Variants in PCNX2 observed in about 807,000 individuals in gnomAD.
PCNX2 encodes pecanex-like protein 2.
PCNX2 carries 168 observed loss-of-function variants against 223.8 expected under a neutral mutation model. The observed-to-expected ratio is 0.75, with a 90% CI of 0.66 to 0.85. The LOEUF (loss-of-function observed/expected upper bound fraction) is 0.85, where lower values mean the gene tolerates loss of function less well. PCNX2 is among the 40% of genes least tolerant of loss of function. The pLI, the probability that PCNX2 is intolerant of heterozygous loss-of-function variation, is 0.00. For synonymous variants in PCNX2, 1,006 were observed against 1,052.6 expected, an observed-to-expected ratio of 0.96 and a Z score of 0.86; for missense variants, 2,507 against 2,675.5, an observed-to-expected ratio of 0.94 and a Z score of 1.39.
chr1:233,038,741 T>G (rs1671542902), intron 25 of PCNX2, among the ~76,000 whole-genome samples: 1 of 152,234 alleles, frequency 6.6e-6, no homozygotes, highest in Admixed American at 6.5e-5. Context: ...GTGGGAAAGC[T>G]ATTGCTCTGC....
intron 6 of PCNX2, 56 bp from the exon 7 acceptor site, chr1:233,252,555 A>G (rs893761931): frequency 1.3e-6 from 2 of 1,586,350 alleles, no homozygotes; most frequent in African/African-American, 1.4e-5. Context: ...CTTATCCTTG[A>G]TAAAGCATTA....
At chr1:233,284,275 C>G (rs1661336598) in intron 1 of PCNX2, among the ~76,000 whole-genome samples, 1 of 152,068 alleles carries the variant, frequency 6.6e-6, no homozygotes, top group African/African-American at 2.4e-5. Context: ...TAAGAGACAC[C>G]TGTTGAAGTT....
Position 233,213,931 on chromosome 1 carries a change from C to T in PCNX2, c.2691+3968G>A, listed in dbSNP as rs148046736. 2.8e-3 allele frequency among the ~76,000 whole-genome samples: 413 copies of T among 146,386 alleles called. 3 individuals carry two copies. Among genetic ancestry groups the T allele is most frequent in the Middle Eastern group, 7.2e-3 (2 of 276 alleles). ...GCAACCTTTGCCACCCGGGTTCAAG[C>T]GATTCTCCTGCCTCAGCCTCCCGAG... On this transcript the variant is annotated intron_variant, in intron 12 of 33. Coordinates refer to ENST00000258229, the MANE Select transcript of PCNX2 (RefSeq NM_014801.4).
In PCNX2 at chr1:233,159,579, CTG is replaced by C. The variant is rs544045597; in HGVS notation, c.3517+702_3517+703del. Among the ~76,000 whole-genome samples the C allele has an allele frequency of 4.6e-5, 7 of 152,306 alleles. No individual in the cohort carries two copies. The South Asian group carries it at 1.4e-3, about 32-fold the overall frequency. On this transcript the variant is annotated intron_variant, in intron 19 of 33. Coordinates refer to ENST00000258229, the MANE Select transcript of PCNX2 (RefSeq NM_014801.4). The stretch of plus-strand genomic sequence containing the variant: ...AGCAATAACTTTGATGGGTCTAAAA[CTG>C]TGGATAAATCAGTCTTCTTCCATCC...
At chr1:233,190,850 T>C (rs1680382469) in intron 15 of PCNX2, among the ~76,000 whole-genome samples, 1 of 152,154 alleles carries the variant, frequency 6.6e-6, no homozygotes, top group African/African-American at 2.4e-5. Context: ...CAGCCCAGGA[T>C]AGAGAATAGA....
Position 233,285,868 on chromosome 1 carries a change from T to C in PCNX2, c.153+9458A>G, listed in dbSNP as rs1204313892. On this transcript the variant is annotated intron_variant, in intron 1 of 33. Transcript: ENST00000258229. ...AAATAAGTTGCCCTTTATAGAAATA[T>C]TGGAATACCATGCAGACATGAATAA... 8.5e-5 allele frequency among the ~76,000 whole-genome samples: 13 copies of C among 152,330 alleles called. No individual in the cohort carries two copies. In the South Asian group the frequency reaches 2.1e-3, roughly 24 times the overall value.
chr1:233,203,503 A>G (rs72750055), intron 13 of PCNX2, among the ~76,000 whole-genome samples: 10,733 of 152,270 alleles, frequency 0.07, 513 homozygotes, highest in Non-Finnish European at 0.11. Flanking sequence ...ATCATAAAAG[A>G]AAAAGAAATT....
intron 1 of PCNX2, chr1:233,290,598 C>T (rs568992164): frequency 2.6e-6 from 1 of 384,934 alleles, no homozygotes; most frequent in South Asian, 1.1e-4. Flanking sequence ...CGGCTGCAGA[C>T]TGTCATAGAA....
intron 21 of PCNX2, among the ~76,000 whole-genome samples, chr1:233,097,321 AG>A (rs1406183898): frequency 6.6e-6 from 1 of 151,216 alleles, no homozygotes; most frequent in Non-Finnish European, 1.5e-5. Flanking sequence ...TAGGGGAAAC[AG>A]GGAAGATAAA....
chr1:233,208,081 G>A (rs918873433), intron 13 of PCNX2, among the ~76,000 whole-genome samples: 11 of 151,902 alleles, frequency 7.2e-5, no homozygotes, highest in African/African-American at 1.5e-4. Context: ...TCAGCCTCCC[G>A]AGTAGCTGCA....
chr1:233,009,091 C>T (rs1381226905), intron 28 of PCNX2, among the ~76,000 whole-genome samples: 1 of 152,138 alleles, frequency 6.6e-6, no homozygotes, highest in Non-Finnish European at 1.5e-5. Context: ...TGGTGAGACT[C>T]GCACAAATCA....
intron 1 of PCNX2, among the ~76,000 whole-genome samples, chr1:233,267,863 CTTTT>C (rs1342474499): frequency 1.3e-5 from 2 of 152,120 alleles, no homozygotes; most frequent in African/African-American, 4.8e-5. Context: ...GCTTTCAGTT[CTTTT>C]GAGTATATAC....
At chr1:233,174,904 G>A (rs148032403) in intron 17 of PCNX2, among the ~76,000 whole-genome samples, 70 of 152,252 alleles carry the variant, frequency 4.6e-4, no homozygotes, top group African/African-American at 1.7e-3. Context: ...GTATATCTCT[G>A]TTTCTAGATC....
chr1:233,265,692 G>T (rs1660295054), intron 1 of PCNX2, among the ~76,000 whole-genome samples: 1 of 152,128 alleles, frequency 6.6e-6, no homozygotes, highest in Admixed American at 6.5e-5. Flanking sequence ...CGCTGTGGAA[G>T]CTAGCAATAC....
intron 1 of PCNX2, chr1:233,285,122 G>A (rs1661383302): frequency 1.8e-6 from 1 of 549,030 alleles, no homozygotes; most frequent in East Asian, 1.5e-4. Flanking sequence ...GGAGGCCAAA[G>A]TGAGAGGATT....
intron 15 of PCNX2, among the ~76,000 whole-genome samples, chr1:233,189,488 T>C (rs541313621): frequency 5.3e-5 from 8 of 152,172 alleles, no homozygotes; most frequent in Non-Finnish European, 1.0e-4. Flanking sequence ...AATCTCTCTT[T>C]GGATGTTCAC....
intron 25 of PCNX2, 32 bp downstream of exon 25, chr1:233,054,236 T>G (rs1285133085): frequency 3.1e-6 from 5 of 1,592,450 alleles, no homozygotes; most frequent in Admixed American, 3.4e-5. Flanking sequence ...GCAACCAACT[T>G]TCAACAGTTT....
At chr1:233,108,509 A>C (rs1674933437) in intron 21 of PCNX2, among the ~76,000 whole-genome samples, 1 of 152,230 alleles carries the variant, frequency 6.6e-6, no homozygotes, top group Non-Finnish European at 1.5e-5. Flanking sequence ...TTCTCTCAGA[A>C]TTCTACAGGG....
intron 1 of PCNX2, among the ~76,000 whole-genome samples, chr1:233,273,772 T>C (rs112224115): frequency 0.099 from 15,027 of 151,968 alleles, 907 homozygotes; most frequent in South Asian, 0.19. Context: ...TACAGGCGCC[T>C]GCCACTACGC....
Sources: allele counts gnomAD v4.1 joint callset (sites outside exome capture counted in the v4.1 genomes callset), GRCh38; gene constraint gnomAD v4.1.1; transcripts MANE v1.5; gene names NCBI Gene and HGNC (gene_info 2026-07-23, HGNC 2026-07-21).